Variants in EFHD1 observed in about 807,000 individuals in gnomAD.
EFHD1 encodes EF-hand domain-containing protein D1.
Under a neutral mutation model 17.2 loss-of-function variants are expected in EFHD1, and 10 were observed. The observed-to-expected ratio is 0.58, with a 90% CI of 0.36 to 0.99. The LOEUF (loss-of-function observed/expected upper bound fraction) is 0.99, where lower values mean the gene tolerates loss of function less well. EFHD1 is among the 50% of genes least tolerant of loss of function. The pLI, the probability that EFHD1 is intolerant of heterozygous loss-of-function variation, is 0.01. For missense variants in EFHD1, 310 were observed against 327.5 expected, an observed-to-expected ratio of 0.95 and a Z score of 0.41; for synonymous variants, 153 against 142.0, an observed-to-expected ratio of 1.08 and a Z score of -0.55.
intron 1 of EFHD1, among the ~76,000 whole-genome samples, chr2:232,659,722 A>G (rs1694823176): frequency 6.6e-6 from 1 of 151,166 alleles, no homozygotes; most frequent in African/African-American, 2.4e-5. Flanking sequence ...TCAAACAGCA[A>G]TAAAGAAAAA....
intron 1 of EFHD1, among the ~76,000 whole-genome samples, chr2:232,637,407 G>T (rs1156741184): frequency 6.7e-6 from 1 of 148,974 alleles, no homozygotes; most frequent in East Asian, 2.0e-4. Context: ...GCAGTGGTGC[G>T]ATCTTGGCTC....
At chr2:232,624,240 C>A (rs1268042361) in intron 1 of EFHD1, among the ~76,000 whole-genome samples, 1 of 152,156 alleles carries the variant, frequency 6.6e-6, no homozygotes, top group Non-Finnish European at 1.5e-5. Flanking sequence ...CCAGGGAACC[C>A]AGGTCTTTGC....
intron 1 of EFHD1, among the ~76,000 whole-genome samples, chr2:232,644,598 C>T (rs754058617): frequency 1.3e-5 from 2 of 151,702 alleles, no homozygotes; most frequent in African/African-American, 4.8e-5. Context: ...CTGCAACCTC[C>T]GCCTCCCGGG....
chr2:232,672,446 AG>A lies in EFHD1; in HGVS notation c.585+5del. 3 of 1,593,122 alleles carry A rather than the reference AG, an allele frequency of 1.9e-6. No individual in the cohort carries two copies. The highest frequency in any genetic ancestry group is 2.6e-6 in the Non-Finnish European group (3 of 1,170,432). ...CCAAGAACTTCTTTGAAGCCAAGGT[AG>A]GTGCTTAGTTCCTTCTGTGAGGAGC... On this transcript the variant is annotated splice_donor_region_variant and intron_variant, in intron 3 of 3. Transcript: ENST00000264059.
intron 2 of EFHD1, among the ~76,000 whole-genome samples, chr2:232,671,846 C>T (rs1695073511): frequency 6.6e-6 from 1 of 152,182 alleles, no homozygotes. Context: ...CACTTGAGGT[C>T]AGGAGTTTGA....
intron 1 of EFHD1, among the ~76,000 whole-genome samples, chr2:232,652,221 C>T (rs924453991): frequency 6.6e-6 from 1 of 152,170 alleles, no homozygotes; most frequent in Non-Finnish European, 1.5e-5. Context: ...ATGTCGGTAG[C>T]CATGGGACCA....
chr2:232,656,574 C>T (rs2106207698), intron 1 of EFHD1, among the ~76,000 whole-genome samples: 1 of 151,946 alleles, frequency 6.6e-6, no homozygotes, highest in South Asian at 2.1e-4. Context: ...GAGCTGGAAC[C>T]ACAGGCACAT....
At chr2:232,676,219 T>C (rs1028435713) in intron 3 of EFHD1, among the ~76,000 whole-genome samples, 26 of 151,730 alleles carry the variant, frequency 1.7e-4, no homozygotes, top group Non-Finnish European at 4.4e-5. Context: ...CCAGAATGGC[T>C]GTGGTTTGAG....
chr2:232,646,926 C>T (rs141635617), intron 1 of EFHD1, among the ~76,000 whole-genome samples: 1 of 152,366 alleles, frequency 6.6e-6, no homozygotes, highest in Non-Finnish European at 1.5e-5. Context: ...CTTCTGAGCT[C>T]TGCCAGCTGT....
chr2:232,626,119 G>A (rs1694100446), intron 1 of EFHD1, among the ~76,000 whole-genome samples: 1 of 152,118 alleles, frequency 6.6e-6, no homozygotes, highest in South Asian at 2.1e-4. Flanking sequence ...TTGATCCCGG[G>A]AGGTTGAGGC....
At chr2:232,637,207 G>A (rs1694334403) in intron 1 of EFHD1, among the ~76,000 whole-genome samples, 1 of 152,186 alleles carries the variant, frequency 6.6e-6, no homozygotes, top group Non-Finnish European at 1.5e-5. Flanking sequence ...GACTCCTTCT[G>A]TGCCTGTTTC....
chr2:232,657,778 C>T (rs961377818), intron 1 of EFHD1, among the ~76,000 whole-genome samples: 3 of 147,162 alleles, frequency 2.0e-5, no homozygotes, highest in Non-Finnish European at 1.5e-5. Context: ...CACCACTGCA[C>T]TCCAGCCTGG....
At chr2:232,669,327 C>G (rs183588009) in intron 2 of EFHD1, among the ~76,000 whole-genome samples, 1 of 152,202 alleles carries the variant, frequency 6.6e-6, no homozygotes, top group Non-Finnish European at 1.5e-5. Context: ...GGCTGACCGT[C>G]GGCCTCTCCG....
chr2:232,642,567 C>T (rs1381031264), intron 1 of EFHD1, among the ~76,000 whole-genome samples: 1 of 151,980 alleles, frequency 6.6e-6, no homozygotes, highest in Admixed American at 6.6e-5. Context: ...CTCCTCACCC[C>T]AGAAAAATTT....
intron 1 of EFHD1, among the ~76,000 whole-genome samples, chr2:232,609,054 C>CTTTTTTT (rs1244427931): frequency 2.4e-5 from 2 of 82,264 alleles, no homozygotes; most frequent in Non-Finnish European, 4.3e-5. Context: ...TGCATAAGTT[C>CTTTTTTT]TTTTTTTTTT....
chr2:232,667,093 T>TTCTTGC (rs1326652709), intron 2 of EFHD1, among the ~76,000 whole-genome samples: 1 of 152,214 alleles, frequency 6.6e-6, no homozygotes, highest in East Asian at 1.9e-4. Context: ...TGCCACCTTG[T>TTCTTGC]TCTTGCACTT....
At chr2:232,634,648 G>C (rs1218056636) in intron 1 of EFHD1, among the ~76,000 whole-genome samples, 1 of 152,170 alleles carries the variant, frequency 6.6e-6, no homozygotes, top group African/African-American at 2.4e-5. Flanking sequence ...TTGCGGTCCT[G>C]CTCTGTGAGC....
chr2:232,625,031 T>A (rs779728851), intron 1 of EFHD1, among the ~76,000 whole-genome samples: 28 of 152,238 alleles, frequency 1.8e-4, no homozygotes, highest in Non-Finnish European at 3.8e-4. Context: ...TCATCCAAGC[T>A]AGATTTTTAT....
rs1473611809 is a variant in EFHD1, at chr2:232,641,711, A to G, written c.302+7705A>G. Among the ~76,000 whole-genome samples, 7 of 152,348 alleles carry G rather than the reference A, an allele frequency of 4.6e-5. No individual in the cohort carries two copies. In the East Asian group the frequency reaches 1.4e-3, roughly 29 times the overall value. ...TTTGGCCTGCAGGCCCAAGTTAGCC[A>G]GCCCCCATGCTAGGCAGTCGCTTTA... On this transcript the variant is annotated intron_variant, in intron 1 of 3. Transcript: ENST00000264059.
Sources: allele counts gnomAD v4.1 joint callset (sites outside exome capture counted in the v4.1 genomes callset), GRCh38; gene constraint gnomAD v4.1.1; transcripts MANE v1.5; gene names NCBI Gene and HGNC (gene_info 2026-07-23, HGNC 2026-07-21).